FARS2: variants seen among roughly 807,000 people sequenced by gnomAD.
The protein encoded by FARS2 is phenylalanine--tRNA ligase, mitochondrial.
FARS2 carries 40 observed loss-of-function variants against 46.4 expected under a neutral mutation model. That is an observed-to-expected ratio of 0.86 (90% CI 0.67 to 1.12). The LOEUF (loss-of-function observed/expected upper bound fraction) is 1.12, where lower values mean the gene tolerates loss of function less well. Among genes scored for constraint, FARS2 ranks in the 50% most tolerant of loss-of-function variants. The pLI is 0.00. For synonymous variants in FARS2, 234 were observed against 214.9 expected, an observed-to-expected ratio of 1.09 and a Z score of -0.78; for missense variants, 513 against 567.9, an observed-to-expected ratio of 0.90 and a Z score of 0.98.
intron 4 of FARS2, among the ~76,000 whole-genome samples, chr6:5,500,197 CCT>C (rs1331366116): frequency 1.3e-5 from 2 of 152,170 alleles, no homozygotes; most frequent in Non-Finnish European, 2.9e-5. Context: ...GCCCTCCCTC[CCT>C]CTCTCCCTAG....
chr6:5,709,484 T>G (rs972539573), intron 6 of FARS2, among the ~76,000 whole-genome samples: 5 of 151,934 alleles, frequency 3.3e-5, no homozygotes, highest in African/African-American at 1.2e-4. Flanking sequence ...TTGAAGAAAA[T>G]TTTCTTTGCA....
intron 1 of FARS2, among the ~76,000 whole-genome samples, chr6:5,362,976 G>GAGTGC (rs1437983673): frequency 7.0e-6 from 1 of 142,904 alleles, no homozygotes; most frequent in African/African-American, 2.6e-5. Flanking sequence ...GCCCAGGCTG[G>GAGTGC]AGTGCAGTGG....
chr6:5,749,222 G>T (rs372457122), intron 6 of FARS2, among the ~76,000 whole-genome samples: 1 of 152,226 alleles, frequency 6.6e-6, no homozygotes, highest in Non-Finnish European at 1.5e-5. Flanking sequence ...CCAAGAACAC[G>T]CCAAAGGGCT....
upstream of FARS2, among the ~76,000 whole-genome samples, chr6:5,259,633 C>CTACCTAA (rs1024358548): frequency 1.3e-5 from 2 of 152,302 alleles, no homozygotes; most frequent in African/African-American, 4.8e-5. Flanking sequence ...GGAGGGGGGC[C>CTACCTAA]TACCTAACCA....
chr6:5,372,981 G>T (rs1649673793), intron 2 of FARS2, among the ~76,000 whole-genome samples: 2 of 152,100 alleles, frequency 1.3e-5, no homozygotes, highest in African/African-American at 4.8e-5. Context: ...TTACCAAATT[G>T]AGAGAGCAAC....
intron 6 of FARS2, among the ~76,000 whole-genome samples, chr6:5,722,778 AG>A (rs1287396230): frequency 1.3e-5 from 2 of 152,156 alleles, no homozygotes; most frequent in Non-Finnish European, 2.9e-5. Context: ...TCCACCTTGT[AG>A]CCTCAGGAAG....
intron 4 of FARS2, among the ~76,000 whole-genome samples, chr6:5,491,015 T>G (rs977985154): frequency 2.6e-4 from 39 of 152,336 alleles, no homozygotes; most frequent in African/African-American, 9.1e-4. Context: ...AGCTTCAAAG[T>G]TTGGGGATAA....
intron 6 of FARS2, among the ~76,000 whole-genome samples, chr6:5,660,468 A>G (rs1777797121): frequency 6.6e-6 from 1 of 152,042 alleles, no homozygotes; most frequent in East Asian, 1.9e-4. Context: ...CAATATAGTG[A>G]GACCCCCATC....
chr6:5,425,327 C>T (rs750238773), intron 3 of FARS2, among the ~76,000 whole-genome samples: 4 of 152,024 alleles, frequency 2.6e-5, no homozygotes, highest in Admixed American at 6.6e-5. Flanking sequence ...TAAATACAAA[C>T]GGTATGGGAA....
chr6:5,546,464 C>T (rs145129998), intron 5 of FARS2, among the ~76,000 whole-genome samples: 3 of 151,472 alleles, frequency 2.0e-5, no homozygotes, highest in Admixed American at 2.0e-4. Context: ...GTTGGCCAGG[C>T]TGGTCTCAAA....
chr6:5,472,663 T>G (rs1290755969), intron 4 of FARS2, among the ~76,000 whole-genome samples: 2 of 152,172 alleles, frequency 1.3e-5, no homozygotes, highest in Non-Finnish European at 2.9e-5. Context: ...TAAAATCAGG[T>G]CTCTCCATTT....
At chr6:5,423,187 G>T (rs1447856282) in intron 3 of FARS2, among the ~76,000 whole-genome samples, 1 of 152,014 alleles carries the variant, frequency 6.6e-6, no homozygotes, top group African/African-American at 2.4e-5. Flanking sequence ...ACAGGTTGAC[G>T]AGGAGGATCG....
At chr6:5,643,726 C>G (rs1776937721) in intron 6 of FARS2, among the ~76,000 whole-genome samples, 1 of 152,118 alleles carries the variant, frequency 6.6e-6, no homozygotes, top group African/African-American at 2.4e-5. Context: ...AGCCAATTTC[C>G]AAGGGTAAAC....
At chr6:5,287,214 A>G (rs1476529289) in intron 1 of FARS2, among the ~76,000 whole-genome samples, 1 of 152,254 alleles carries the variant, frequency 6.6e-6, no homozygotes, top group Non-Finnish European at 1.5e-5. Context: ...AGCCCGAGGC[A>G]TTCCTTTGCC....
At chr6:5,325,623 T>G (rs919719553) in intron 1 of FARS2, among the ~76,000 whole-genome samples, 1 of 152,238 alleles carries the variant, frequency 6.6e-6, no homozygotes, top group Non-Finnish European at 1.5e-5. Flanking sequence ...TCAGGTAGAA[T>G]TACTTGCATC....
chr6:5,431,752 C>T (rs1338081078), intron 4 of FARS2: 1 of 515,532 alleles, frequency 1.9e-6, no homozygotes, highest in Non-Finnish European at 4.0e-6. Context: ...TCAGAAAGAT[C>T]TGTCTGGCTC....
intron 3 of FARS2, among the ~76,000 whole-genome samples, chr6:5,426,932 G>T (rs1407699461): frequency 6.6e-6 from 1 of 152,122 alleles, no homozygotes; most frequent in Non-Finnish European, 1.5e-5. Flanking sequence ...AGCCCTCAAT[G>T]TCACAAATTT....
Position 5,630,027 on chromosome 6 carries a change from G to GGGGAATGTTAC in FARS2, c.1217+16708_1217+16718dup, listed in dbSNP as rs1776228841. 6.6e-6 allele frequency among the ~76,000 whole-genome samples: 1 copy of GGGGAATGTTAC among 152,180 alleles called. No homozygotes were observed. The highest frequency in any genetic ancestry group is 2.4e-5 in the African/African-American group (1 of 41,442). Reference sequence around the variant, plus strand: ...CTTCCTGAGTTTGAGGCAGGACACAGGGGAATGTTACCCTAAGAGCTCAGC... The same window carrying GGGGAATGTTAC: ...CTTCCTGAGTTTGAGGCAGGACACAGGGGAATGTTACGGGAATGTTACCCTAAGAGCTCAGC... On this transcript the variant is annotated intron_variant, in intron 6 of 6. Transcript: ENST00000274680. The surrounding 1 kb of genome is among the most constrained non-coding windows in gnomAD (Gnocchi z 4.2).
intron 5 of FARS2, among the ~76,000 whole-genome samples, chr6:5,594,072 C>T (rs559136638): frequency 7.2e-5 from 11 of 152,288 alleles, no homozygotes; most frequent in East Asian, 1.9e-4. Flanking sequence ...CTTCTGACAT[C>T]GCTGAGTATT....
Sources: allele counts gnomAD v4.1 joint callset (sites outside exome capture counted in the v4.1 genomes callset), GRCh38; gene constraint gnomAD v4.1.1; non-coding constraint Gnocchi (gnomAD v3.1); transcripts MANE v1.5; gene names NCBI Gene and HGNC (gene_info 2026-07-23, HGNC 2026-07-21).